Variants in SLC25A17 observed in about 807,000 individuals in gnomAD.
SLC25A17 encodes peroxisomal membrane protein PMP34.
Under a neutral mutation model 38.5 loss-of-function variants are expected in SLC25A17, and 26 were observed. The observed-to-expected ratio is 0.68, with a 90% CI of 0.50 to 0.94. The LOEUF is 0.94. Among genes scored for constraint, SLC25A17 ranks in the 40% least tolerant of loss-of-function variants. The pLI is 0.00. For synonymous variants in SLC25A17, 139 were observed against 136.2 expected (o/e 1.02, Z -0.14); for missense variants, 333 against 372.7 (o/e 0.89, Z 0.88).
intron 8 of SLC25A17, among the ~76,000 whole-genome samples, chr22:40,772,692 A>G (rs780847966): frequency 1.3e-5 from 2 of 151,482 alleles, no homozygotes; most frequent in Non-Finnish European, 2.9e-5. Flanking sequence ...GCTGGAGTAC[A>G]GTGGTGCCAT....
chr22:40,793,508 T>C (rs1229794457), intron 3 of SLC25A17, among the ~76,000 whole-genome samples: 1 of 152,122 alleles, frequency 6.6e-6, no homozygotes, highest in Non-Finnish European at 1.5e-5. Flanking sequence ...ATGTGATATC[T>C]TGAGAAGGAC....
At chr22:40,790,654 T>C (rs1024084701) in intron 4 of SLC25A17, among the ~76,000 whole-genome samples, 3 of 152,110 alleles carry the variant, frequency 2.0e-5, no homozygotes, top group Non-Finnish European at 4.4e-5. Flanking sequence ...ACAGGGGTGG[T>C]ATATATCTGG....
At chr22:40,794,212 A>G (rs968085001) in intron 3 of SLC25A17, among the ~76,000 whole-genome samples, 8 of 152,166 alleles carry the variant, frequency 5.3e-5, no homozygotes, top group South Asian at 2.1e-4. Context: ...GAACTAAACA[A>G]CTATTATTTT....
Position 40,777,052 on chromosome 22 carries a change from CT to C in SLC25A17, c.680del (p.Gln227ArgfsTer4). 6.2e-7 allele frequency: 1 copy of C among 1,614,062 alleles called. No homozygotes were observed. Among genetic ancestry groups the C allele is most frequent in the Non-Finnish European group, 8.5e-7 (1 of 1,179,918 alleles). ...TTVTYPLQTV[Q>X]SILRFGRHRL... ...CTCCAGCACTCACCCTCAGAATTGA[CT>C]GTACCGTCTGCAGGGGATAGGTCAC... is the stretch of plus-strand genomic sequence containing the variant. On this transcript the variant is annotated frameshift_variant, in exon 7 of 9. Transcript: ENST00000435456. LOFTEE classifies it high-confidence loss of function.
At chr22:40,774,622 A>T (rs942018174) in intron 7 of SLC25A17, among the ~76,000 whole-genome samples, 1 of 152,226 alleles carries the variant, frequency 6.6e-6, no homozygotes, top group Non-Finnish European at 1.5e-5. Flanking sequence ...GCCCAGGATG[A>T]TGATTTAGAT....
intron 1 of SLC25A17, among the ~76,000 whole-genome samples, chr22:40,804,579 G>GT (rs1315217749): frequency 6.6e-6 from 1 of 151,772 alleles, no homozygotes; most frequent in Non-Finnish European, 1.5e-5. Context: ...GTTTTTGTTT[G>GT]TTTTTGCTAT....
intron 1 of SLC25A17, among the ~76,000 whole-genome samples, chr22:40,802,737 A>C (rs1396474842): frequency 6.6e-6 from 1 of 152,214 alleles, no homozygotes; most frequent in African/African-American, 2.4e-5. Context: ...GTTAGCTGAA[A>C]ACCCACCACT....
intron 1 of SLC25A17, among the ~76,000 whole-genome samples, chr22:40,806,452 G>C (rs769580744): frequency 2.6e-5 from 4 of 152,060 alleles, no homozygotes; most frequent in Non-Finnish European, 5.9e-5. Context: ...ATGCTTAGCT[G>C]AGCTTGCAAG....
At chr22:40,782,978 T>C (rs1206500409) in intron 4 of SLC25A17, among the ~76,000 whole-genome samples, 1 of 152,220 alleles carries the variant, frequency 6.6e-6, no homozygotes, top group East Asian at 1.9e-4. Context: ...GCAACAACGC[T>C]GTTCCTAGTT....
At chr22:40,793,035 A>G (rs1022986639) in intron 3 of SLC25A17, among the ~76,000 whole-genome samples, 3 of 152,218 alleles carry the variant, frequency 2.0e-5, no homozygotes, top group Non-Finnish European at 2.9e-5. Flanking sequence ...AAATGAAGTA[A>G]TTATAGGAAA....
intron 8 of SLC25A17, among the ~76,000 whole-genome samples, chr22:40,773,466 C>A (rs2145642231): frequency 6.7e-6 from 1 of 149,292 alleles, no homozygotes; most frequent in Non-Finnish European, 1.5e-5. Context: ...GCCTCTAGGT[C>A]AGTGTCTGCC....
intron 1 of SLC25A17, among the ~76,000 whole-genome samples, chr22:40,805,643 T>C (rs2057523488): frequency 6.6e-6 from 1 of 152,058 alleles, no homozygotes; most frequent in South Asian, 2.1e-4. Flanking sequence ...AAAAGTTCTG[T>C]GCATAATTTT....
At chr22:40,772,129 T>C (rs1406239330) in intron 8 of SLC25A17, among the ~76,000 whole-genome samples, 1 of 152,080 alleles carries the variant, frequency 6.6e-6, no homozygotes, top group African/African-American at 2.4e-5. Context: ...GGTCCTATAA[T>C]AGGTGTGGTA....
chr22:40,798,742 A>C lies in SLC25A17; in HGVS notation c.115+281T>G, dbSNP rs2057453311. 1.3e-5 allele frequency among the ~76,000 whole-genome samples: 2 copies of C among 149,966 alleles called. 1 individual carries two copies. Among genetic ancestry groups the C allele is most frequent in the Middle Eastern group, 6.5e-3 (2 of 310 alleles). On this transcript the variant is annotated intron_variant, in intron 2 of 8. Transcript: ENST00000435456. ...CAGCACTTTGGGAGGCCAAGGCAGG[A>C]GATCACCTGAGATGAGGAGTTCAAG...
Position 40,792,531 on chromosome 22 carries a change from C to A in SLC25A17, c.328G>T (p.Val110Phe). Residue 110 changes from valine (V) to phenylalanine (F), a missense_variant, in exon 4 of 9, where the codon GTT becomes TTT. Val to Phe is a conservative substitution (Grantham distance 50). Coordinates refer to ENST00000435456, the MANE Select transcript of SLC25A17 (RefSeq NM_006358.4). ...ACCCAGAAAACCTTGTTACCTGCAA[C>A]AAACCCAACTACCAGATCTTTTCCA... ...TTGKDLVVGF[V>F]AGVVNVLLTT... The A allele has an allele frequency of 6.2e-7, 1 of 1,606,698 alleles. No individual in the cohort carries two copies. Among genetic ancestry groups the A allele is most frequent in the South Asian group, 1.1e-5 (1 of 89,836 alleles).
chr22:40,815,680 T>C (rs772797387), intron 1 of SLC25A17, among the ~76,000 whole-genome samples: 22 of 152,368 alleles, frequency 1.4e-4, no homozygotes, highest in Admixed American at 6.5e-4. Flanking sequence ...TAATCACATT[T>C]ACTTCCCACA....
intron 8 of SLC25A17, among the ~76,000 whole-genome samples, chr22:40,772,463 C>CCT (rs2057193768): frequency 6.6e-6 from 1 of 152,034 alleles, no homozygotes; most frequent in African/African-American, 2.4e-5. Context: ...CACCAGGATG[C>CCT]CTAGCTAATT....
chr22:40,804,694 AGCCAT>A (rs2057514021), intron 1 of SLC25A17, among the ~76,000 whole-genome samples: 1 of 152,220 alleles, frequency 6.6e-6, no homozygotes, highest in Admixed American at 6.5e-5. Context: ...CACTCAGGCC[AGCCAT>A]TACGCCCAGC....
At chr22:40,774,064 T>A (rs1168021048) in intron 7 of SLC25A17, 45 bp from the exon 8 acceptor site, 5 of 1,214,044 alleles carry the variant, frequency 4.1e-6, no homozygotes, top group Non-Finnish European at 6.1e-6. Context: ...TGCTGTTTTT[T>A]AAAATCTTCA....
Sources: allele counts gnomAD v4.1 joint callset (sites outside exome capture counted in the v4.1 genomes callset), GRCh38; gene constraint gnomAD v4.1.1; transcripts MANE v1.5; gene names NCBI Gene and HGNC (gene_info 2026-07-23, HGNC 2026-07-21).